BPIFA3: variants seen among roughly 807,000 people sequenced by gnomAD.
BPIFA3 encodes BPI fold-containing family A member 3.
Under a neutral mutation model 29.7 loss-of-function variants are expected in BPIFA3, and 32 were observed. The observed-to-expected ratio is 1.08, with a 90% CI of 0.81 to 1.45. The LOEUF (loss-of-function observed/expected upper bound fraction) is 1.45. BPIFA3 is among the 40% of genes most tolerant of loss of function. BPIFA3 has a pLI of 0.00. For synonymous variants in BPIFA3, 112 were observed against 113.7 expected, an observed-to-expected ratio of 0.98 and a Z score of 0.10; for missense variants, 323 against 311.3, an observed-to-expected ratio of 1.04 and a Z score of -0.28.
At position 33,227,005 on chromosome 20, in the gene BPIFA3, G is replaced by GTCCA; in HGVS notation, c.685+17_685+20dup. On this transcript the variant is annotated intron_variant, in intron 6 of 6. Transcript: ENST00000375454. ...GAAAAGCCTCATAGGTGAGTGTCTGGTCCATCCAGTGAGGACTTCTTAGGA... is the reference window on the plus strand; with the variant it reads ...GAAAAGCCTCATAGGTGAGTGTCTGGTCCATCCATCCAGTGAGGACTTCTTAGGA... The GTCCA allele has an allele frequency of 6.2e-7, 1 of 1,611,210 alleles. No homozygotes were observed.
At chr20:33,219,341 A>G (rs1297795571) in intron 1 of BPIFA3, among the ~76,000 whole-genome samples, 1 of 152,108 alleles carries the variant, frequency 6.6e-6, no homozygotes, top group Non-Finnish European at 1.5e-5. Flanking sequence ...AGATTTATGC[A>G]TTGTGAATAT....
At chr20:33,220,134 C>T (rs1258745400) in intron 1 of BPIFA3, among the ~76,000 whole-genome samples, 1 of 148,902 alleles carries the variant, frequency 6.7e-6, no homozygotes, top group African/African-American at 2.5e-5. Flanking sequence ...CGCAGTGGCT[C>T]ACGCCTGTAA....
chr20:33,221,634 A>C (rs1426327044), intron 1 of BPIFA3, among the ~76,000 whole-genome samples: 1 of 152,192 alleles, frequency 6.6e-6, no homozygotes, highest in Non-Finnish European at 1.5e-5. Flanking sequence ...TCTCTTTATA[A>C]AAGTTTGATA....
chr20:33,221,490 T>C (rs1226948763), intron 1 of BPIFA3, among the ~76,000 whole-genome samples: 2 of 152,258 alleles, frequency 1.3e-5, no homozygotes, highest in Non-Finnish European at 2.9e-5. Context: ...GTTTAGGATC[T>C]TAGCAAACTT....
rs1480150538 is a variant in BPIFA3 at position 33,227,405 on chromosome 20, A to G, written c.686-133A>G. On this transcript the variant is annotated intron_variant, in intron 6 of 6. Coordinates refer to ENST00000375454, the MANE Select transcript of BPIFA3 (RefSeq NM_178466.5). ...ACCAAGAAGCAAACAATTCAGCATC[A>G]TTTGGGGAGGGTTTTCACGTGAACG... 26 of 718,586 alleles carry G rather than the reference A, an allele frequency of 3.6e-5. No individual in the cohort carries two copies. The East Asian group carries it at 6.3e-4, about 17-fold the overall frequency. 44.5% of individuals were successfully genotyped at this position (718,586 alleles called of 1,614,324 possible).
At position 33,217,643 on chromosome 20, in the gene BPIFA3, A is replaced by G. The variant is rs1985325902; in HGVS notation, c.107A>G (p.Asn36Ser). The G allele has an allele frequency of 6.2e-7, 1 of 1,613,820 alleles. No homozygotes were observed. The highest frequency in any genetic ancestry group is 1.3e-5 in the African/African-American group (1 of 75,022). The change falls in exon 1 of 7, where the codon AAC becomes AGC. Residue 36 changes from asparagine to serine, a missense_variant. Asn to Ser is a conservative substitution (Grantham distance 46, BLOSUM62 1). Coordinates refer to ENST00000375454, the MANE Select transcript of BPIFA3 (RefSeq NM_178466.5). ...WPGLAQAHRD[N>S]KSTLARIIAQ... ...GGCCTGGCCCAAGCCCACAGAGACA[A>G]CAAATCCACCCTGGCAAGAAGTAAG...
chr20:33,224,579 C>A (rs1319544561), intron 3 of BPIFA3, 117 bp downstream of exon 3: 2 of 849,804 alleles, frequency 2.4e-6, no homozygotes, highest in Admixed American at 4.1e-5. Flanking sequence ...AAGCCACTTG[C>A]TGTGTGACCT....
In BPIFA3 at chr20:33,223,929, C is replaced by T. The variant is rs113151188; in HGVS notation, c.246C>T (p.Ser82=). 3,459 of 1,614,110 alleles carry T rather than the reference C, an allele frequency of 2.1e-3. 43 individuals are homozygous for T. The African/African-American group carries it at 0.034, about 16-fold the overall frequency. Residue 82 remains serine, a synonymous_variant, in exon 2 of 7, where the codon AGC becomes AGT. Coordinates refer to ENST00000375454, the MANE Select transcript of BPIFA3 (RefSeq NM_178466.5). ...VAPGLVGWLI[S]GRKHQQQQES... Reference sequence around the variant, plus strand: ...CAGGGCTGGTGGGCTGGCTAATCAGCGGCAGGAAACACCAGCAGCAGCAAG... The same window carrying T: ...CAGGGCTGGTGGGCTGGCTAATCAGTGGCAGGAAACACCAGCAGCAGCAAG...
rs73904639 is a variant in BPIFA3 at position 33,225,256 on chromosome 20, C to T, written c.536+9C>T. 3.1e-3 allele frequency: 4,992 copies of T among 1,613,104 alleles called. 144 individuals carry two copies. In the African/African-American group the frequency reaches 0.058, roughly 19 times the overall value. On this transcript the variant is annotated intron_variant, in intron 4 of 6. Transcript: ENST00000375454. ...GTGGCCATCCTCACTGAGTAAGACC[C>T]CAGCTGCCCCTCCCCAGAGCTGGGC... is the stretch of plus-strand genomic sequence containing the variant.
chr20:33,224,538 A>T, intron 3 of BPIFA3, 76 bp downstream of exon 3: 1 of 1,263,260 alleles, frequency 7.9e-7, no homozygotes. Context: ...GATCTTTCTG[A>T]TCCCAACCTA....
chr20:33,225,438 C>T lies in BPIFA3; in HGVS notation c.536+191C>T, dbSNP rs1012195097. ...TCCCAGAAGCCAGACTCTTCTCCCT[C>T]CTCACTCCTCAAGCCCATCATCACA... On this transcript the variant is annotated intron_variant, in intron 4 of 6. Coordinates refer to ENST00000375454, the MANE Select transcript of BPIFA3 (RefSeq NM_178466.5). 4 of 692,944 alleles carry T rather than the reference C, an allele frequency of 5.8e-6. No homozygotes were observed. The Admixed American group carries it at 8.9e-5, about 15-fold the overall frequency. The allele number at this position is 692,944 out of a possible 1,614,324, so 42.9% of individuals were successfully genotyped here.
At chr20:33,220,097 TA>T (rs879786771) in intron 1 of BPIFA3, among the ~76,000 whole-genome samples, 1,946 of 119,038 alleles carry the variant, frequency 0.016, 11 homozygotes, top group Middle Eastern at 0.026. Flanking sequence ...CCCTGTCTCT[TA>T]AAAAAAAAAA....
At position 33,223,971 on chromosome 20, in the gene BPIFA3, T is replaced by G. The variant is rs187833570; in HGVS notation, c.278+10T>G. 52 of 1,613,316 alleles carry G rather than the reference T, an allele frequency of 3.2e-5. No individual in the cohort carries two copies. The African/African-American group carries it at 4.9e-4, about 15-fold the overall frequency. On this transcript the variant is annotated intron_variant, in intron 2 of 6. Coordinates refer to ENST00000375454, the MANE Select transcript of BPIFA3 (RefSeq NM_178466.5). ...AGCAGCAAGAGAGCAGGTGAGACCC[T>G]GAGTTCTATCCGTGGCCCTGGAACT...
chr20:33,223,816 G>C lies in BPIFA3; in HGVS notation c.133G>C (p.Ala45Pro), dbSNP rs1428737996. 1 of 1,613,154 alleles carries C rather than the reference G, an allele frequency of 6.2e-7. No individual in the cohort carries two copies. The highest frequency in any genetic ancestry group is 8.5e-7 in the Non-Finnish European group (1 of 1,179,172). The part of the protein sequence containing the change: ...DNKSTLARII[A>P]QGLIKHNAES... Reference sequence around the variant, plus strand: ...TGGTCCTTGTGCATTTCCAGTTATTGCTCAGGGCCTCATAAAGCACAACGC... The same window carrying C: ...TGGTCCTTGTGCATTTCCAGTTATTCCTCAGGGCCTCATAAAGCACAACGC... Residue 45 changes from alanine to proline, a missense_variant, in exon 2 of 7, where the codon GCT becomes CCT. Coordinates refer to ENST00000375454, the MANE Select transcript of BPIFA3 (RefSeq NM_178466.5).
At chr20:33,223,783 A>G (rs531063838) in intron 1 of BPIFA3, 28 bp from the exon 2 acceptor site, 13 of 1,600,418 alleles carry the variant, frequency 8.1e-6, no homozygotes, top group South Asian at 7.8e-5. Flanking sequence ...GACACTGTGC[A>G]AAGTCAGTGG....
At chr20:33,223,033 G>T (rs749444123) in intron 1 of BPIFA3, among the ~76,000 whole-genome samples, 15 of 152,102 alleles carry the variant, frequency 9.9e-5, no homozygotes, top group Non-Finnish European at 1.3e-4. Flanking sequence ...AAGACCCAGG[G>T]AGATGATAGA....
At chr20:33,223,204 G>A (rs1373596546) in intron 1 of BPIFA3, among the ~76,000 whole-genome samples, 2 of 152,208 alleles carry the variant, frequency 1.3e-5, no homozygotes, top group African/African-American at 4.8e-5. Flanking sequence ...AGAGTTCTCA[G>A]TGTGGGAACT....
At chr20:33,224,241 C>T in intron 2 of BPIFA3, 114 bp from the exon 3 acceptor site, 1 of 934,302 alleles carries the variant, frequency 1.1e-6, no homozygotes, top group South Asian at 1.6e-5. Flanking sequence ...AATCACAGTC[C>T]AAATCCCATT....
intron 2 of BPIFA3, 71 bp downstream of exon 2, chr20:33,224,032 G>T: frequency 1.3e-6 from 2 of 1,555,988 alleles, no homozygotes; most frequent in South Asian, 2.3e-5. Context: ...TAGAGCTGAT[G>T]GGGGGCTGGG....
Sources: gnomAD v4.1 joint callset for allele counts (sites outside exome capture counted in the v4.1 genomes callset) on GRCh38, gnomAD v4.1.1 for gene constraint, MANE v1.5 for transcripts, NCBI Gene and HGNC (gene_info 2026-07-23, HGNC 2026-07-21) for gene names.